Variants in BRD7 observed in about 807,000 individuals in gnomAD.
BRD7 encodes the protein bromodomain-containing protein 7.
A neutral mutation model predicts 82.1 loss-of-function variants in BRD7; 15 were observed. The ratio of observed to expected loss-of-function variants is 0.18; its 90% CI spans 0.12 to 0.28. The LOEUF is 0.28. Among genes scored for constraint, BRD7 ranks in the 10% least tolerant of loss-of-function variants. The pLI is 1.00. For synonymous variants in BRD7, 232 were observed against 266.9 expected (o/e 0.87, Z 1.27); for missense variants, 638 against 779.9 (o/e 0.82, Z 2.17).
intron 6 of BRD7, among the ~76,000 whole-genome samples, chr16:50,338,342 G>C (rs910569399): frequency 6.6e-6 from 1 of 152,152 alleles, no homozygotes; most frequent in South Asian, 2.1e-4. Flanking sequence ...TAAATATTAG[G>C]AGCGCAAGAA....
intron 5 of BRD7, 110 bp downstream of exon 5, chr16:50,349,913 C>G: frequency 9.1e-7 from 1 of 1,101,436 alleles, no homozygotes; most frequent in Non-Finnish European, 1.3e-6. Flanking sequence ...GATACTGGAT[C>G]TTAAAATAAA....
chr16:50,320,952 T>A (rs1034723811), intron 13 of BRD7, among the ~76,000 whole-genome samples, 178 bp from the exon 14 acceptor site: 2 of 152,252 alleles, frequency 1.3e-5, no homozygotes, highest in African/African-American at 4.8e-5. Flanking sequence ...AAAATGCTAT[T>A]CCCAAATCTT....
intron 1 of BRD7, 110 bp downstream of exon 1, chr16:50,368,616 G>T: frequency 1.7e-6 from 2 of 1,197,916 alleles, no homozygotes; most frequent in Non-Finnish European, 2.3e-6. Context: ...GCCGGCCTGG[G>T]CCTGCCGTGG....
Position 50,334,876 on chromosome 16 carries a change from T to C in BRD7, c.722A>G (p.Lys241Arg), listed in dbSNP as rs899848541. ...ILSQERIQSLKQSIDFMADLQ... is the reference protein window; with the variant it reads ...ILSQERIQSLRQSIDFMADLQ... ...GTCAGCCATGAAGTCTATGCTCTGC[T>C]TCAGGCTCTGAATTCTTTCCTAAAC... Residue 241 changes from lysine (K) to arginine (R), a missense_variant, in exon 7 of 17, where the codon AAG becomes AGG. By Grantham distance (26) the Lys-to-Arg change is conservative. Around this residue, in one of 3 missense-constraint regions of BRD7, gnomAD observed 402 missense variants for 500.8 expected, o/e 0.80. Transcript: ENST00000394688. 2 of 1,613,468 alleles carry C rather than the reference T, an allele frequency of 1.2e-6. No individual in the cohort carries two copies. The highest frequency in any genetic ancestry group is 2.7e-5 in the African/African-American group (2 of 74,992).
intron 5 of BRD7, among the ~76,000 whole-genome samples, chr16:50,343,388 T>C (rs897964092): frequency 6.6e-6 from 1 of 152,220 alleles, no homozygotes; most frequent in Non-Finnish European, 1.5e-5. Context: ...GCTCCCAGCA[T>C]GAGTGATGCA....
At chr16:50,348,794 T>C (rs1333740468) in intron 5 of BRD7, among the ~76,000 whole-genome samples, 1 of 152,130 alleles carries the variant, frequency 6.6e-6, no homozygotes, top group African/African-American at 2.4e-5. Flanking sequence ...CAGGAACACT[T>C]TTACACTGTT....
intron 8 of BRD7, among the ~76,000 whole-genome samples, chr16:50,329,356 A>G (rs1274413774): frequency 6.6e-6 from 1 of 152,224 alleles, no homozygotes; most frequent in Non-Finnish European, 1.5e-5. Context: ...GTATACACCT[A>G]CTTGGCTTTA....
chr16:50,338,620 T>C (rs1418269956), intron 6 of BRD7, among the ~76,000 whole-genome samples: 1 of 152,244 alleles, frequency 6.6e-6, no homozygotes, highest in Non-Finnish European at 1.5e-5. Context: ...TACCCACTCA[T>C]TTCTTCTTTG....
rs184197812 is a variant in BRD7 at position 50,355,085 on chromosome 16, C to T, written c.259-163G>A. Among the ~76,000 whole-genome samples, 13 of 152,106 alleles carry T rather than the reference C, an allele frequency of 8.5e-5. 1 individual carries two copies. Among genetic ancestry groups the T allele is most frequent in the African/African-American group, 2.4e-4 (10 of 41,496 alleles). On this transcript the variant is annotated intron_variant, in intron 2 of 16. Transcript: ENST00000394688. ...TCTACTGGAAAAGGAGAGAATAATA[C>T]GTTCACGAAGGAAAAAACAAAGGGG...
chr16:50,319,601 A>G (rs1400836385), intron 16 of BRD7, among the ~76,000 whole-genome samples: 5 of 152,170 alleles, frequency 3.3e-5, no homozygotes. Context: ...TGGGGAAAAA[A>G]CCCAATTAAA....
At chr16:50,329,907 GT>G (rs1353807185) in intron 8 of BRD7, among the ~76,000 whole-genome samples, 1 of 152,240 alleles carries the variant, frequency 6.6e-6, no homozygotes, top group African/African-American at 2.4e-5. Context: ...TAACGCCGCT[GT>G]AATGGCTCTG....
chr16:50,330,337 C>CTTTT (rs11360309), intron 8 of BRD7, among the ~76,000 whole-genome samples: 14 of 53,946 alleles, frequency 2.6e-4, no homozygotes, highest in African/African-American at 7.3e-4. Flanking sequence ...AAAGAGGACA[C>CTTTT]TTTTTTTTTT....
In BRD7 at chr16:50,368,713, G is replaced by C. The variant is rs2039256979; in HGVS notation, c.49+13C>G. On this transcript the variant is annotated intron_variant, in intron 1 of 16. Transcript: ENST00000394688. ...CCGAGGGCCCGCCGCCCGCACCCCG[G>C]CCCCCTCCTCACCCTCGTAGAGGTG... is the stretch of plus-strand genomic sequence containing the variant. 1.3e-6 allele frequency: 2 copies of C among 1,552,858 alleles called. No individual in the cohort carries two copies. Among genetic ancestry groups the C allele is most frequent in the African/African-American group, 1.4e-5 (1 of 69,848 alleles).
At chr16:50,343,918 T>C (rs140173983) in intron 5 of BRD7, among the ~76,000 whole-genome samples, 2,403 of 152,244 alleles carry the variant, frequency 0.016, 55 homozygotes, top group African/African-American at 0.054. Flanking sequence ...AGAGTAGTGG[T>C]TCTGCCAGCA....
Position 50,354,953 on chromosome 16 carries a change from A to C in BRD7, c.259-31T>G, listed in dbSNP as rs542310765. ...TGGAACAAAGGGAGATAATTTAGAA[A>C]TATTTCAGAACCAATATCTTTAAAT... On this transcript the variant is annotated intron_variant, in intron 2 of 16. Coordinates refer to ENST00000394688, the MANE Select transcript of BRD7 (RefSeq NM_013263.5). 6 of 1,605,298 alleles carry C rather than the reference A, an allele frequency of 3.7e-6. No homozygotes were observed. In the South Asian group the frequency reaches 4.5e-5, roughly 12 times the overall value.
chr16:50,319,416 G>T, intron 16 of BRD7, 150 bp from the exon 17 acceptor site: 2 of 643,906 alleles, frequency 3.1e-6, no homozygotes, highest in Non-Finnish European at 5.4e-6. Flanking sequence ...ATTATCAGGT[G>T]ATCATTGTGG....
intron 4 of BRD7, among the ~76,000 whole-genome samples, chr16:50,350,794 A>T (rs1597079840): frequency 6.6e-6 from 1 of 152,208 alleles, no homozygotes; most frequent in Non-Finnish European, 1.5e-5. Flanking sequence ...CAGATTCACA[A>T]CACTGGCTGT....
At chr16:50,347,876 CCAATGA>C (rs1424080588) in intron 5 of BRD7, among the ~76,000 whole-genome samples, 1 of 152,142 alleles carries the variant, frequency 6.6e-6, no homozygotes, top group Non-Finnish European at 1.5e-5. Flanking sequence ...CATCAAGCTA[CCAATGA>C]CTTTCTTCAC....
intron 5 of BRD7, among the ~76,000 whole-genome samples, chr16:50,348,680 A>G (rs2038389241): frequency 6.6e-6 from 1 of 152,344 alleles, no homozygotes; most frequent in Non-Finnish European, 1.5e-5. Flanking sequence ...TGGCAGTCGG[A>G]GAAATGCAAA....
Sources: allele counts gnomAD v4.1 joint callset (sites outside exome capture counted in the v4.1 genomes callset), GRCh38; gene constraint gnomAD v4.1.1; regional missense constraint gnomAD v4.1.1; transcripts MANE v1.5; gene names NCBI Gene and HGNC (gene_info 2026-07-23, HGNC 2026-07-21).